The following ANO2 variants were observed in gnomAD, a reference collection of about 807,000 sequenced individuals.
ANO2 encodes anoctamin-2.
ANO2 carries 101 observed loss-of-function variants against 124.2 expected under a neutral mutation model. That is an observed-to-expected ratio of 0.81 (90% CI 0.69 to 0.96). ANO2 has a LOEUF of 0.96. Among genes scored for constraint, ANO2 ranks in the 40% least tolerant of loss-of-function variants. ANO2 has a pLI of 0.00. For synonymous variants in ANO2, 486 were observed against 482.5 expected (o/e 1.01, Z -0.09); for missense variants, 1,293 against 1,274.5 (o/e 1.01, Z -0.22).
chr12:5,573,375 C>CGATGT (rs1339817157), intron 23 of ANO2, among the ~76,000 whole-genome samples: 6 of 152,188 alleles, frequency 3.9e-5, no homozygotes, highest in African/African-American at 7.2e-5. Flanking sequence ...AAGAAACAGA[C>CGATGT]GATGTGAGCC....
intron 14 of ANO2, among the ~76,000 whole-genome samples, chr12:5,731,750 T>C (rs757370586): frequency 6.6e-6 from 1 of 152,144 alleles, no homozygotes; most frequent in African/African-American, 2.4e-5. Context: ...AATGACTGCA[T>C]GCCACCATGA....
chr12:5,820,748 T>G (rs1221380477), intron 7 of ANO2, among the ~76,000 whole-genome samples: 1 of 152,174 alleles, frequency 6.6e-6, no homozygotes, highest in African/African-American at 2.4e-5. Context: ...ACTCTCCCAT[T>G]TGGCCTGTGC....
chr12:5,792,436 G>A (rs577631491), intron 10 of ANO2, among the ~76,000 whole-genome samples: 1 of 152,230 alleles, frequency 6.6e-6, no homozygotes, highest in East Asian at 1.9e-4. Flanking sequence ...TTCCAGCCTG[G>A]TTATGTTTTC....
rs538221920 is a variant in ANO2, at chr12:5,756,579, G to A, written c.1056-5609C>T. On this transcript the variant is annotated intron_variant, in intron 10 of 24. Coordinates refer to ENST00000682330, the MANE Select transcript of ANO2 (RefSeq NM_001364791.2). Reference sequence around the variant, plus strand: ...GCCAGAGTAAGCAGGCAGTGCCTGCGGGCAGACTTAAGCTGGGTGGGGTCC... The same window carrying A: ...GCCAGAGTAAGCAGGCAGTGCCTGCAGGCAGACTTAAGCTGGGTGGGGTCC... 1.5e-4 allele frequency among the ~76,000 whole-genome samples: 23 copies of A among 152,322 alleles called. 1 individual carries two copies. In the East Asian group the frequency reaches 1.9e-3, roughly 13 times the overall value.
intron 10 of ANO2, among the ~76,000 whole-genome samples, chr12:5,755,613 T>C (rs1951559653): frequency 6.6e-6 from 1 of 152,088 alleles, no homozygotes; most frequent in South Asian, 2.1e-4. Context: ...TGTTCATGTG[T>C]TCTCATTGTT....
intron 14 of ANO2, among the ~76,000 whole-genome samples, chr12:5,695,375 T>TAA (rs78967769): frequency 4.7e-5 from 6 of 127,810 alleles, no homozygotes; most frequent in Non-Finnish European, 6.7e-5. Context: ...ACATGGAACT[T>TAA]AAAAAAAAAA....
intron 12 of ANO2, among the ~76,000 whole-genome samples, chr12:5,743,602 C>T (rs774155754): frequency 8.5e-5 from 13 of 152,104 alleles, no homozygotes; most frequent in Middle Eastern, 3.4e-3. Context: ...ATTTTTTCCT[C>T]CACTAATCCC....
chr12:5,836,211 A>C (rs899741529), intron 4 of ANO2, among the ~76,000 whole-genome samples: 4 of 152,262 alleles, frequency 2.6e-5, no homozygotes, highest in African/African-American at 9.6e-5. Flanking sequence ...GGGTTGCCAG[A>C]TCGAACAAAT....
At chr12:5,569,113 C>A (rs1048274430) in intron 23 of ANO2, among the ~76,000 whole-genome samples, 1 of 152,256 alleles carries the variant, frequency 6.6e-6, no homozygotes, top group Admixed American at 6.5e-5. Context: ...GCACTAAATG[C>A]TGCAAGTTTT....
chr12:5,921,239 A>G lies in ANO2; in HGVS notation c.335T>C (p.Val112Ala), dbSNP rs3741903. ...VLAYHYRKRG[V>A]HLAQGFPGHS... The stretch of plus-strand genomic sequence containing the variant: ...GCCAGGGAAGCCTTGGGCCAGGTGC[A>G]CCCCGCGTTTCCGGTAGTGGTAGGC... Residue 112 changes from valine to alanine, a missense_variant, in exon 3 of 25, where the codon GTG becomes GCG. Transcript: ENST00000682330. The G allele has an allele frequency of 0.19, 305,754 of 1,613,544 alleles. 30,112 individuals are homozygous for G. Among genetic ancestry groups the G allele is most frequent in the South Asian group, 0.23 (21,220 of 91,040 alleles).
chr12:5,739,429 T>G lies in ANO2; in HGVS notation c.1352-30A>C, dbSNP rs746984929. ...AAAAGAACAACAAGAACAAAAACCTTGATTATTTTTGAAGAGTGGATTCTG... is the reference window on the plus strand; with the variant it reads ...AAAAGAACAACAAGAACAAAAACCTGGATTATTTTTGAAGAGTGGATTCTG... On this transcript the variant is annotated intron_variant, in intron 12 of 24. Transcript: ENST00000682330. The G allele has an allele frequency of 3.9e-6, 6 of 1,548,294 alleles. No individual in the cohort carries two copies. In the Admixed American group the frequency reaches 7.7e-5, roughly 20 times the overall value.
intron 14 of ANO2, among the ~76,000 whole-genome samples, chr12:5,704,294 C>T (rs1008119366): frequency 6.6e-6 from 1 of 152,200 alleles, no homozygotes; most frequent in Admixed American, 6.5e-5. Flanking sequence ...TCTGCATCCA[C>T]CCCGCCCATG....
intron 20 of ANO2, among the ~76,000 whole-genome samples, chr12:5,582,891 C>T (rs556536836): frequency 6.6e-6 from 1 of 152,308 alleles, no homozygotes; most frequent in Admixed American, 6.5e-5. Context: ...GAAGACTCCC[C>T]TCCACCTCCA....
chr12:5,586,031 A>G (rs1175453126), intron 20 of ANO2, among the ~76,000 whole-genome samples: 1 of 152,206 alleles, frequency 6.6e-6, no homozygotes, highest in African/African-American at 2.4e-5. Context: ...TGTTAGAGCA[A>G]GAAGAGAAAT....
chr12:5,640,491 C>A lies in ANO2; in HGVS notation c.1621-5144G>T, dbSNP rs569084771. 5.3e-5 allele frequency among the ~76,000 whole-genome samples: 8 copies of A among 152,058 alleles called. No homozygotes were observed. In the South Asian group the frequency reaches 1.7e-3, roughly 32 times the overall value. On this transcript the variant is annotated intron_variant, in intron 15 of 24. Coordinates refer to ENST00000682330, the MANE Select transcript of ANO2 (RefSeq NM_001364791.2). The stretch of plus-strand genomic sequence containing the variant: ...TGCAATCTGCCCATCTGACAAAGGG[C>A]TAATATCCTGAATCTACAAAGAACT...
At chr12:5,946,054 A>G, upstream of ANO2, 1 of 1,443,824 alleles carries the variant, frequency 6.9e-7, no homozygotes, top group Non-Finnish European at 9.7e-7. The surrounding 1 kb of genome is among the most constrained non-coding windows in gnomAD (Gnocchi z 4.1). Flanking sequence ...CTGCAACTCC[A>G]AGATGCACAG....
chr12:5,851,025 A>G (rs1954876421), intron 4 of ANO2, among the ~76,000 whole-genome samples: 1 of 142,316 alleles, frequency 7.0e-6, no homozygotes, highest in African/African-American at 2.9e-5. Context: ...AAACCACACA[A>G]CGAATAACTG....
At position 5,900,705 on chromosome 12, in the gene ANO2, G is replaced by A. The variant is rs1940135470; in HGVS notation, c.534+20335C>T. ...GACCACAATCCCCTTCCCCATGGGT[G>A]GGGCCGGGACAGGAAATGGCCAAGC... is the stretch of plus-strand genomic sequence containing the variant. On this transcript the variant is annotated intron_variant, in intron 3 of 24. Transcript: ENST00000682330. This position sits in a 1 kb window ranked among gnomAD's most constrained non-coding sequence, Gnocchi z 4.2. Among the ~76,000 whole-genome samples the A allele has an allele frequency of 6.6e-6, 1 of 152,168 alleles. No homozygotes were observed. The highest frequency in any genetic ancestry group is 1.5e-5 in the Non-Finnish European group (1 of 68,038).
rs546237266 is a variant in ANO2, at chr12:5,706,932, C to T, written c.1545+25588G>A. ...ATGCTTCTCACTGAAACTTGTAAGACCGGGATTCTACTCCCAACTTCTGCA... is the reference window on the plus strand; with the variant it reads ...ATGCTTCTCACTGAAACTTGTAAGATCGGGATTCTACTCCCAACTTCTGCA... On this transcript the variant is annotated intron_variant, in intron 14 of 24. Transcript: ENST00000682330. Among the ~76,000 whole-genome samples the T allele has an allele frequency of 5.8e-4, 88 of 152,290 alleles. 2 individuals carry two copies. The South Asian group carries it at 0.018, about 31-fold the overall frequency.
Sources: allele counts gnomAD v4.1 joint callset (sites outside exome capture counted in the v4.1 genomes callset), GRCh38; gene constraint gnomAD v4.1.1; non-coding constraint Gnocchi (gnomAD v3.1); transcripts MANE v1.5; gene names NCBI Gene and HGNC (gene_info 2026-07-23, HGNC 2026-07-21).